Variants in ARSB observed in about 807,000 individuals in gnomAD.
ARSB encodes the protein arylsulfatase B.
In ARSB, 41 loss-of-function variants were observed where a neutral mutation model predicts 50.9. That is an observed-to-expected ratio of 0.81 (90% CI 0.63 to 1.04). The LOEUF (loss-of-function observed/expected upper bound fraction) is 1.04. ARSB is among the 50% of genes least tolerant of loss of function. ARSB has a pLI of 0.00. For missense variants in ARSB, 672 were observed against 693.3 expected (o/e 0.97, Z 0.35); for synonymous variants, 269 against 284.8 (o/e 0.94, Z 0.56).
intron 5 of ARSB, among the ~76,000 whole-genome samples, chr5:78,853,073 C>T (rs905133422): frequency 2.0e-5 from 3 of 152,246 alleles, no homozygotes; most frequent in East Asian, 1.9e-4. Flanking sequence ...AGTAATTCTC[C>T]GTCCAGCTTT....
chr5:78,867,457 G>A (rs558436894), intron 5 of ARSB, among the ~76,000 whole-genome samples: 29 of 152,322 alleles, frequency 1.9e-4, no homozygotes, highest in South Asian at 2.1e-4. Context: ...CTCCCAGCAC[G>A]CAGCTGGAGA....
chr5:78,850,501 G>C (rs1476333306), intron 5 of ARSB, among the ~76,000 whole-genome samples: 1 of 152,092 alleles, frequency 6.6e-6, no homozygotes, highest in Non-Finnish European at 1.5e-5. Context: ...GTTCATCAAG[G>C]ATATTGGTCT....
chr5:78,952,322 G>A, intron 4 of ARSB, among the ~76,000 whole-genome samples: 1 of 113,314 alleles, frequency 8.8e-6, no homozygotes, highest in East Asian at 2.8e-4. Flanking sequence ...CTCTTCCCAT[G>A]CACTCTTCTT....
intron 5 of ARSB, among the ~76,000 whole-genome samples, chr5:78,867,414 C>T (rs1222955810): frequency 6.6e-6 from 1 of 152,170 alleles, no homozygotes; most frequent in East Asian, 1.9e-4. Flanking sequence ...ACTTAAATGT[C>T]CCTGTCTGAC....
In ARSB at chr5:78,887,340, C is replaced by G. The variant is rs531975794; in HGVS notation, c.899-1513G>C. 5.9e-5 allele frequency among the ~76,000 whole-genome samples: 9 copies of G among 152,178 alleles called. No individual in the cohort carries two copies. The South Asian group carries it at 8.3e-4, about 14-fold the overall frequency. ...ACTTTATAACAACCCACTCTCATGGCGACTAATCCATTCCCTTGAGATTGA... is the reference window on the plus strand; with the variant it reads ...ACTTTATAACAACCCACTCTCATGGGGACTAATCCATTCCCTTGAGATTGA... On this transcript the variant is annotated intron_variant, in intron 4 of 7. Transcript: ENST00000264914.
chr5:78,924,583 G>A (rs547054368), intron 4 of ARSB, among the ~76,000 whole-genome samples: 19 of 152,278 alleles, frequency 1.2e-4, no homozygotes, highest in African/African-American at 4.1e-4. Flanking sequence ...TATTTTCCAA[G>A]GAATTGACTG....
chr5:78,824,388 A>G (rs1744352068), intron 6 of ARSB, among the ~76,000 whole-genome samples: 1 of 152,210 alleles, frequency 6.6e-6, no homozygotes, highest in Non-Finnish European at 1.5e-5. Context: ...TTGAGCTTCA[A>G]ATTGGGTGAA....
At chr5:78,886,179 T>C (rs1748024920) in intron 4 of ARSB, among the ~76,000 whole-genome samples, 1 of 152,168 alleles carries the variant, frequency 6.6e-6, no homozygotes, top group Non-Finnish European at 1.5e-5. Flanking sequence ...AATGAGTCCA[T>C]GGAAGCTGGG....
At chr5:78,956,600 C>T (rs542103099) in intron 3 of ARSB, among the ~76,000 whole-genome samples, 3 of 152,220 alleles carry the variant, frequency 2.0e-5, no homozygotes, top group East Asian at 1.9e-4. Flanking sequence ...AGTCCCAGAA[C>T]GGCCTCAATG....
chr5:78,831,335 C>T lies in ARSB; in HGVS notation c.1213+8021G>A, dbSNP rs571935663. On this transcript the variant is annotated intron_variant, in intron 6 of 7. Transcript: ENST00000264914. ...CTGCCCACCCCACACACAGCTCCCT[C>T]ATCCCCCCAGCACCCTCCAGTGGAG... Among the ~76,000 whole-genome samples, 58 of 152,102 alleles carry T rather than the reference C, an allele frequency of 3.8e-4. No homozygotes were observed. The South Asian group carries it at 0.012, about 31-fold the overall frequency.
intron 4 of ARSB, among the ~76,000 whole-genome samples, chr5:78,887,244 C>T (rs895464798): frequency 1.3e-5 from 2 of 152,134 alleles, no homozygotes; most frequent in African/African-American, 2.4e-5. Context: ...TGTGCTGCAT[C>T]ATAACATGGC....
rs531895765 is a variant in ARSB at position 78,826,405 on chromosome 5, G to A, written c.1213+12951C>T. Among the ~76,000 whole-genome samples the A allele has an allele frequency of 3.9e-5, 6 of 152,194 alleles. No individual in the cohort carries two copies. In the South Asian group the frequency reaches 1.2e-3, roughly 32 times the overall value. On this transcript the variant is annotated intron_variant, in intron 6 of 7. Transcript: ENST00000264914. ...TTCAACAACTACTTATTGTGCTACT[G>A]TTCTAGATGTTTGGGTATAGAAAAG...
chr5:78,796,105 T>C (rs1392231764), intron 6 of ARSB, among the ~76,000 whole-genome samples: 5 of 152,374 alleles, frequency 3.3e-5, no homozygotes, highest in African/African-American at 4.8e-5. Context: ...CCTCAACTCA[T>C]GACCGTTGTA....
chr5:78,867,161 G>A (rs1450180122), intron 5 of ARSB, among the ~76,000 whole-genome samples: 1 of 152,198 alleles, frequency 6.6e-6, no homozygotes, highest in Non-Finnish European at 1.5e-5. Context: ...TGGCTCGGAG[G>A]GTCCTACACC....
At chr5:78,807,480 C>A (rs1743608274) in intron 6 of ARSB, among the ~76,000 whole-genome samples, 1 of 152,198 alleles carries the variant, frequency 6.6e-6, no homozygotes. Context: ...AAGTGATTCA[C>A]CTCAACAGAG....
At position 78,984,543 on chromosome 5, in the gene ARSB, A is replaced by C. The variant is rs570349853; in HGVS notation, c.312+394T>G. On this transcript the variant is annotated intron_variant, in intron 1 of 7. Transcript: ENST00000264914. ...TCGCACCCACGGCGAGCACCCCTTCATTTTACCTCTCCCCTCGTCTTTGCT... is the reference window on the plus strand; with the variant it reads ...TCGCACCCACGGCGAGCACCCCTTCCTTTTACCTCTCCCCTCGTCTTTGCT... Among the ~76,000 whole-genome samples, 4 of 152,144 alleles carry C rather than the reference A, an allele frequency of 2.6e-5. No individual in the cohort carries two copies. The South Asian group carries it at 8.3e-4, about 32-fold the overall frequency.
At chr5:78,869,309 G>A (rs200630533) in intron 5 of ARSB, among the ~76,000 whole-genome samples, 21,709 of 122,770 alleles carry the variant, frequency 0.18, 2,147 homozygotes, top group Admixed American at 0.23. Flanking sequence ...TGCACCAAGC[G>A]GACCTAATAG....
At chr5:78,919,787 C>T (rs923088760) in intron 4 of ARSB, among the ~76,000 whole-genome samples, 2 of 152,132 alleles carry the variant, frequency 1.3e-5, no homozygotes, top group Non-Finnish European at 2.9e-5. Context: ...AGGAGTGAGC[C>T]ACCGCACCCT....
intron 4 of ARSB, among the ~76,000 whole-genome samples, chr5:78,933,696 A>G (rs571268635): frequency 1.3e-5 from 2 of 152,286 alleles, no homozygotes; most frequent in South Asian, 4.2e-4. Flanking sequence ...AAAAAATTTC[A>G]ATCATTCCAA....
Sources: allele counts gnomAD v4.1 joint callset (sites outside exome capture counted in the v4.1 genomes callset), GRCh38; gene constraint gnomAD v4.1.1; transcripts MANE v1.5; gene names NCBI Gene and HGNC (gene_info 2026-07-23, HGNC 2026-07-21).